CTNNA2: variants seen among roughly 807,000 people sequenced by gnomAD.
CTNNA2 encodes the protein catenin alpha 2, also known as catenin alpha-2.
CTNNA2 carries 42 observed loss-of-function variants against 101.0 expected under a neutral mutation model. The ratio of observed to expected loss-of-function variants is 0.42; its 90% CI spans 0.32 to 0.54. The LOEUF is 0.54. CTNNA2 is among the 20% of genes least tolerant of loss of function. The probability of loss-of-function intolerance (pLI) is 0.14; values close to 1 mark genes in which losing one functional copy is unlikely to be tolerated. For missense variants in CTNNA2, 871 were observed against 1,223.1 expected, an observed-to-expected ratio of 0.71 and a Z score of 4.29; for synonymous variants, 450 against 456.4, an observed-to-expected ratio of 0.99 and a Z score of 0.18.
At chr2:80,334,034 G>T (rs556727241) in intron 7 of CTNNA2, among the ~76,000 whole-genome samples, 2 of 152,276 alleles carry the variant, frequency 1.3e-5, no homozygotes, top group African/African-American at 4.8e-5. Context: ...AGCCCATGTG[G>T]CCAACTGTGG....
At chr2:79,927,280 G>A (rs1320804163) in intron 7 of CTNNA2, among the ~76,000 whole-genome samples, 3 of 152,240 alleles carry the variant, frequency 2.0e-5, no homozygotes, top group South Asian at 2.1e-4. Flanking sequence ...TGGGCTTGGT[G>A]TTATCATGAT....
intron 16 of CTNNA2, among the ~76,000 whole-genome samples, chr2:80,607,089 T>A (rs1231623137): frequency 1.3e-5 from 2 of 151,932 alleles, no homozygotes; most frequent in African/African-American, 4.8e-5. Flanking sequence ...GATGGTTATA[T>A]GTAATCACTG....
rs866493111 is a variant in CTNNA2, at chr2:79,814,638, C to T, written c.299-43375C>T. ...ACACACACACACACACACACACACACATATATATATATATCACAGTTTCTT... is the reference window on the plus strand; with the variant it reads ...ACACACACACACACACACACACACATATATATATATATATCACAGTTTCTT... On this transcript the variant is annotated intron_variant, in intron 3 of 18. Transcript: ENST00000402739. Among the ~76,000 whole-genome samples the T allele has an allele frequency of 2.7e-3, 398 of 147,030 alleles. 3 individuals carry two copies. Among genetic ancestry groups the T allele is most frequent in the African/African-American group, 9.2e-3 (361 of 39,246 alleles).
chr2:80,502,562 T>C (rs1290972653), intron 9 of CTNNA2, among the ~76,000 whole-genome samples: 1 of 152,218 alleles, frequency 6.6e-6, no homozygotes, highest in Non-Finnish European at 1.5e-5. Context: ...ACAATTATTA[T>C]TTTGTGTTCT....
intron 7 of CTNNA2, among the ~76,000 whole-genome samples, chr2:80,277,450 T>C (rs1673992296): frequency 6.7e-6 from 1 of 149,202 alleles, no homozygotes; most frequent in African/African-American, 2.5e-5. Context: ...AAGCTACCTA[T>C]GAATCCCACC....
In CTNNA2 at chr2:79,779,906, A is replaced by G. The variant is rs937139008; in HGVS notation, c.298+35324A>G. Among the ~76,000 whole-genome samples the G allele has an allele frequency of 3.9e-5, 6 of 152,146 alleles. No individual in the cohort carries two copies. In the East Asian group the frequency reaches 7.7e-4, roughly 20 times the overall value. On this transcript the variant is annotated intron_variant, in intron 3 of 18. Transcript: ENST00000402739. ...AGTTCAGGCCATGATGGGAGGTGGG[A>G]GCCAGACATGCCTCATTATACCCGC... is the stretch of plus-strand genomic sequence containing the variant.
chr2:79,890,204 A>C (rs1299384859), intron 6 of CTNNA2, among the ~76,000 whole-genome samples: 1 of 152,232 alleles, frequency 6.6e-6, no homozygotes, highest in African/African-American at 2.4e-5. Context: ...CGAATGGCAG[A>C]AAGCGGGTAG....
At chr2:79,805,161 T>G (rs1271294428) in intron 3 of CTNNA2, among the ~76,000 whole-genome samples, 1 of 152,180 alleles carries the variant, frequency 6.6e-6, no homozygotes, top group Non-Finnish European at 1.5e-5. Context: ...CCAAGGGGAC[T>G]AGAGAATGAG....
At chr2:80,159,764 G>A (rs1424915031) in intron 7 of CTNNA2, among the ~76,000 whole-genome samples, 1 of 152,108 alleles carries the variant, frequency 6.6e-6, no homozygotes, top group Non-Finnish European at 1.5e-5. Flanking sequence ...GTGAGCCACT[G>A]TGCCTGGCCC....
intron 7 of CTNNA2, among the ~76,000 whole-genome samples, chr2:80,197,691 C>A (rs1442707802): frequency 6.6e-6 from 1 of 152,150 alleles, no homozygotes; most frequent in Non-Finnish European, 1.5e-5. Flanking sequence ...CCAACCTGAC[C>A]CTTGATGTGT....
intron 1 of CTNNA2, among the ~76,000 whole-genome samples, chr2:79,643,336 C>A (rs1289330838): frequency 6.6e-6 from 1 of 152,116 alleles, no homozygotes; most frequent in Non-Finnish European, 1.5e-5. Context: ...ACTACTCCCC[C>A]ACTGGCATGT....
At chr2:80,494,057 A>C (rs1398578857) in intron 9 of CTNNA2, among the ~76,000 whole-genome samples, 2 of 152,120 alleles carry the variant, frequency 1.3e-5, no homozygotes, top group African/African-American at 2.4e-5. Context: ...CACAGTAGGG[A>C]GTCTTAGACC....
Position 80,574,290 on chromosome 2 carries a change from C to A in CTNNA2, c.1869C>A (p.Ile623=). ...SRLVYDGVRD[I]RKAVLMIRTP... ...TGGTGTATGATGGCGTTCGGGACAT[C>A]AGAAAGGCTGTGCTGATGATCAGGG... The change falls in exon 13 of 19, where the codon ATC becomes ATA. Residue 623 remains isoleucine (I), a synonymous_variant. Coordinates refer to ENST00000402739, the MANE Select transcript of CTNNA2 (RefSeq NM_001282597.3). The A allele has an allele frequency of 6.2e-7, 1 of 1,612,704 alleles. No individual in the cohort carries two copies.
At chr2:80,133,950 A>G (rs1253352759) in intron 7 of CTNNA2, among the ~76,000 whole-genome samples, 3 of 152,194 alleles carry the variant, frequency 2.0e-5, no homozygotes, top group Non-Finnish European at 1.5e-5. Flanking sequence ...TAATATGGGA[A>G]TAATACTATT....
chr2:80,244,527 T>G (rs1240754060), intron 7 of CTNNA2, among the ~76,000 whole-genome samples: 1 of 152,170 alleles, frequency 6.6e-6, no homozygotes, highest in African/African-American at 2.4e-5. Context: ...GCACGTGAAG[T>G]AACTTAGACT....
chr2:80,363,606 G>C (rs568356093), intron 7 of CTNNA2, among the ~76,000 whole-genome samples: 1 of 152,058 alleles, frequency 6.6e-6, no homozygotes, highest in African/African-American at 2.4e-5. Context: ...CTCTATTTGC[G>C]TGAGGATTTC....
chr2:80,521,058 A>T (rs1018381388), intron 9 of CTNNA2, among the ~76,000 whole-genome samples: 1 of 152,150 alleles, frequency 6.6e-6, no homozygotes, highest in Admixed American at 6.5e-5. Flanking sequence ...GAGAGAAACA[A>T]ATCACTGATG....
chr2:80,141,453 G>GAGGGAGAAACATTAA, intron 7 of CTNNA2, among the ~76,000 whole-genome samples: 2 of 152,200 alleles, frequency 1.3e-5, no homozygotes, highest in South Asian at 4.1e-4. Context: ...TATTGTGAGG[G>GAGGGAGAAACATTAA]AGGGAGAAAC....
chr2:79,922,482 G>C (rs571012239), intron 7 of CTNNA2, among the ~76,000 whole-genome samples: 1 of 152,168 alleles, frequency 6.6e-6, no homozygotes, highest in East Asian at 1.9e-4. Context: ...GAAAATTAAA[G>C]AGATGCTGAT....
Sources: allele counts gnomAD v4.1 joint callset (sites outside exome capture counted in the v4.1 genomes callset), GRCh38; gene constraint gnomAD v4.1.1; transcripts MANE v1.5; gene names NCBI Gene and HGNC (gene_info 2026-07-23, HGNC 2026-07-21).